Variants in S100Z observed in about 807,000 individuals in gnomAD.
S100Z encodes protein S100-Z.
In S100Z, 11 loss-of-function variants were observed where a neutral mutation model predicts 8.5. That is an observed-to-expected ratio of 1.30 (90% CI 0.82 to 2.15). The LOEUF is 2.15. Ranked by LOEUF, S100Z falls within the 30% of genes most tolerant of loss-of-function variation. S100Z has a pLI of 0.00. For missense variants in S100Z, 126 were observed against 117.9 expected (o/e 1.07, Z -0.32); for synonymous variants, 34 against 43.8 (o/e 0.78, Z 0.89).
At chr5:76,915,557 G>A (rs1035980378) in intron 4 of S100Z, among the ~76,000 whole-genome samples, 1 of 151,916 alleles carries the variant, frequency 6.6e-6, no homozygotes, top group South Asian at 2.1e-4. Flanking sequence ...GCAATGAGCC[G>A]AGATCACACC....
intron 4 of S100Z, among the ~76,000 whole-genome samples, chr5:76,896,913 C>T (rs925214599): frequency 2.3e-4 from 35 of 152,022 alleles, no homozygotes; most frequent in African/African-American, 8.0e-4. Context: ...GTTATTTGAG[C>T]TCCTTAAATA....
chr5:76,904,887 T>C (rs574582255), intron 4 of S100Z, among the ~76,000 whole-genome samples: 1 of 151,496 alleles, frequency 6.6e-6, no homozygotes, highest in South Asian at 2.1e-4. Context: ...AGAACATAAA[T>C]TTTTAATTTT....
chr5:76,901,513 G>A (rs1744224527), intron 4 of S100Z, among the ~76,000 whole-genome samples: 1 of 152,182 alleles, frequency 6.6e-6, no homozygotes, highest in Non-Finnish European at 1.5e-5. Context: ...CCCGACCCCA[G>A]GTCACAAGTA....
At position 76,864,961 on chromosome 5, in the gene S100Z, C is replaced by T. The variant is rs370588400; in HGVS notation, c.-175-5205C>T. On this transcript the variant is annotated intron_variant, in intron 1 of 4. Coordinates refer to ENST00000317593, the MANE Select transcript of S100Z (RefSeq NM_130772.4). ...TGACCTCATGATCAGCCCGCCTCAGCCTCCCAAAGTGCTGGGATTCCAGGC... is the reference window on the plus strand; with the variant it reads ...TGACCTCATGATCAGCCCGCCTCAGTCTCCCAAAGTGCTGGGATTCCAGGC... 5.9e-5 allele frequency among the ~76,000 whole-genome samples: 9 copies of T among 152,294 alleles called. No homozygotes were observed. In the East Asian group the frequency reaches 9.7e-4, roughly 16 times the overall value.
intron 4 of S100Z, among the ~76,000 whole-genome samples, chr5:76,889,377 A>G (rs768819979): frequency 1.3e-5 from 2 of 152,228 alleles, no homozygotes; most frequent in Non-Finnish European, 2.9e-5. Context: ...AATTGAACAC[A>G]TATGTTGGAT....
At chr5:76,943,933 T>C in the S100Z span, among the ~76,000 whole-genome samples, 1 of 152,228 alleles carries the variant, frequency 6.6e-6, no homozygotes, top group Non-Finnish European at 1.5e-5. Context: ...CTTTGACATT[T>C]TTTTCAGCAC....
the S100Z span, among the ~76,000 whole-genome samples, chr5:76,935,426 C>T: frequency 6.6e-6 from 1 of 152,174 alleles, no homozygotes; most frequent in Non-Finnish European, 1.5e-5. Flanking sequence ...TCTTCACAGA[C>T]AGGAATAGTG....
chr5:76,947,590 C>T, the S100Z span, among the ~76,000 whole-genome samples: 1 of 152,156 alleles, frequency 6.6e-6, no homozygotes, highest in Non-Finnish European at 1.5e-5. Context: ...AAGCACGAGG[C>T]ACCACACTTC....
chr5:76,892,397 G>A (rs1743893725), intron 4 of S100Z, among the ~76,000 whole-genome samples: 1 of 152,116 alleles, frequency 6.6e-6, no homozygotes, highest in African/African-American at 2.4e-5. Flanking sequence ...GACTTCTCCA[G>A]CTTTCTCAAA....
intron 4 of S100Z, among the ~76,000 whole-genome samples, chr5:76,910,185 A>G (rs946048767): frequency 6.6e-6 from 1 of 152,210 alleles, no homozygotes; most frequent in East Asian, 1.9e-4. Context: ...GCTATCCTTG[A>G]GCAGCTATGG....
chr5:76,854,388 C>G (rs1436718661), intron 1 of S100Z, among the ~76,000 whole-genome samples: 1 of 152,092 alleles, frequency 6.6e-6, no homozygotes, highest in Non-Finnish European at 1.5e-5. Flanking sequence ...CAGGGAAGGC[C>G]AGGCGGAGAT....
At chr5:76,948,234 G>A in the S100Z span, among the ~76,000 whole-genome samples, 1 of 152,108 alleles carries the variant, frequency 6.6e-6, no homozygotes, top group Non-Finnish European at 1.5e-5. Context: ...GCTGAGGCAG[G>A]AGAATTGCTT....
intron 4 of S100Z, among the ~76,000 whole-genome samples, chr5:76,893,939 A>T (rs1743948612): frequency 6.6e-6 from 1 of 152,206 alleles, no homozygotes; most frequent in East Asian, 1.9e-4. Flanking sequence ...TTAAACAAAA[A>T]ATAAAGTTCT....
At chr5:76,862,878 A>G (rs1445826350) in intron 1 of S100Z, among the ~76,000 whole-genome samples, 2 of 151,902 alleles carry the variant, frequency 1.3e-5, no homozygotes, top group Non-Finnish European at 2.9e-5. Flanking sequence ...GCTCAAGTTC[A>G]CTCCTGCTCT....
intron 4 of S100Z, among the ~76,000 whole-genome samples, chr5:76,893,861 C>T (rs1200788214): frequency 6.6e-6 from 1 of 152,146 alleles, no homozygotes; most frequent in Non-Finnish European, 1.5e-5. Context: ...CTACTATCTC[C>T]TTTTGCAAAT....
chr5:76,887,442 C>A (rs1367792935), intron 4 of S100Z, among the ~76,000 whole-genome samples: 1 of 144,788 alleles, frequency 6.9e-6, no homozygotes, highest in Non-Finnish European at 1.5e-5. Flanking sequence ...GCTCTGTGCC[C>A]AGGCTGGAGG....
At chr5:76,932,364 CT>C in the S100Z span, among the ~76,000 whole-genome samples, 3 of 151,856 alleles carry the variant, frequency 2.0e-5, no homozygotes, top group Non-Finnish European at 4.4e-5. Context: ...GACTTTTTTT[CT>C]TTTTGAGACA....
Position 76,898,933 on chromosome 5 carries a change from C to CTTTTTT in S100Z, c.*2+21113_*2+21118dup, listed in dbSNP as rs56287065. 1.8e-3 allele frequency among the ~76,000 whole-genome samples: 197 copies of CTTTTTT among 109,848 alleles called. 1 individual carries two copies. The highest frequency in any genetic ancestry group is 5.6e-3 in the African/African-American group (158 of 28,066). The allele number at this position is 109,848 out of a possible 152,430, so 72.1% of individuals were successfully genotyped here. The stretch of plus-strand genomic sequence containing the variant: ...CCATTGGGTCCTGGGCTTTTCTTTT[C>CTTTTTT]TTTTTTTTTTTTTTTTTTTGAGACA... On this transcript the variant is annotated intron_variant, in intron 4 of 4. Transcript: ENST00000317593.
At chr5:76,930,132 A>C in the S100Z span, among the ~76,000 whole-genome samples, 1 of 152,234 alleles carries the variant, frequency 6.6e-6, no homozygotes, top group Admixed American at 6.5e-5. Context: ...TAAATCTTTA[A>C]AACAAAGAAA....
Sources: allele counts gnomAD v4.1 joint callset (sites outside exome capture counted in the v4.1 genomes callset), GRCh38; gene constraint gnomAD v4.1.1; transcripts MANE v1.5; gene names NCBI Gene and HGNC (gene_info 2026-07-23, HGNC 2026-07-21).